The following PLCB4 variants were observed in gnomAD, a reference collection of about 807,000 sequenced individuals.
PLCB4 encodes 1-phosphatidylinositol 4,5-bisphosphate phosphodiesterase beta-4.
PLCB4 carries 77 observed loss-of-function variants against 178.8 expected under a neutral mutation model. That is an observed-to-expected ratio of 0.43 (90% CI 0.36 to 0.52). The LOEUF is 0.52. Among genes scored for constraint, PLCB4 ranks in the 20% least tolerant of loss-of-function variants. PLCB4 has a pLI of 0.00. For missense variants in PLCB4, 1,024 were observed against 1,453.4 expected, an observed-to-expected ratio of 0.70 and a Z score of 4.80; for synonymous variants, 496 against 490.8, an observed-to-expected ratio of 1.01 and a Z score of -0.14.
At position 9,259,978 on chromosome 20, in the gene PLCB4, A is replaced by G. The variant is rs552363144; in HGVS notation, c.-16+42526A>G. 3.3e-5 allele frequency among the ~76,000 whole-genome samples: 5 copies of G among 152,260 alleles called. No homozygotes were observed. The East Asian group carries it at 5.8e-4, about 18-fold the overall frequency. On this transcript the variant is annotated intron_variant, in intron 3 of 39. Coordinates refer to ENST00000378473, the MANE Select transcript of PLCB4 (RefSeq NM_001377142.1). ...TAAAATCACAAATGTGACTTACACT[A>G]TACTTTTACTGAGCAGTCCCTGATC...
At chr20:9,079,702 G>A (rs944531516) in intron 1 of PLCB4, among the ~76,000 whole-genome samples, 1 of 152,020 alleles carries the variant, frequency 6.6e-6, no homozygotes, top group African/African-American at 2.4e-5. Flanking sequence ...CTGGTTTTGT[G>A]GACAAAGAAA....
intron 9 of PLCB4, among the ~76,000 whole-genome samples, chr20:9,370,365 G>T (rs1417074916): frequency 6.6e-6 from 1 of 152,078 alleles, no homozygotes; most frequent in Non-Finnish European, 1.5e-5. Context: ...GGGGCTCAAG[G>T]GTGCTTAGCT....
intron 7 of PLCB4, among the ~76,000 whole-genome samples, chr20:9,350,122 T>C (rs182860359): frequency 2.2e-4 from 33 of 152,230 alleles, no homozygotes; most frequent in Non-Finnish European, 3.7e-4. Context: ...GAATGGCTTT[T>C]ACATTTTTGA....
At chr20:9,281,566 T>C (rs1318343083) in intron 3 of PLCB4, among the ~76,000 whole-genome samples, 1 of 152,012 alleles carries the variant, frequency 6.6e-6, no homozygotes, top group African/African-American at 2.4e-5. Context: ...AACACAATTC[T>C]ATGCTAAAAT....
At chr20:9,463,593 C>CAAAAA (rs145361980) in intron 35 of PLCB4, among the ~76,000 whole-genome samples, 111 of 49,658 alleles carry the variant, frequency 2.2e-3, no homozygotes, top group Middle Eastern at 0.023. Context: ...AAATGGAAAG[C>CAAAAA]AAAAAAAAAA....
chr20:9,282,038 A>G (rs1233345217), intron 3 of PLCB4, among the ~76,000 whole-genome samples: 1 of 152,030 alleles, frequency 6.6e-6, no homozygotes, highest in Non-Finnish European at 1.5e-5. Flanking sequence ...TATATCACAT[A>G]ATCTTTCCCT....
At chr20:9,227,806 G>A (rs1325255104) in intron 3 of PLCB4, among the ~76,000 whole-genome samples, 1 of 152,028 alleles carries the variant, frequency 6.6e-6, no homozygotes, top group African/African-American at 2.4e-5. Flanking sequence ...TACTTGGGGG[G>A]CTCCTCTTGA....
chr20:9,400,253 C>G (rs559573726), intron 19 of PLCB4, among the ~76,000 whole-genome samples: 1 of 152,168 alleles, frequency 6.6e-6, no homozygotes, highest in South Asian at 2.1e-4. Flanking sequence ...AACAGTCTAT[C>G]TAGAAATTCT....
intron 7 of PLCB4, among the ~76,000 whole-genome samples, chr20:9,358,973 T>C (rs190322141): frequency 1.3e-5 from 2 of 152,198 alleles, no homozygotes; most frequent in African/African-American, 4.8e-5. Context: ...CGTCATGAGA[T>C]TTGGGGTGAT....
intron 2 of PLCB4, among the ~76,000 whole-genome samples, chr20:9,188,065 C>T (rs2093352008): frequency 1.3e-5 from 2 of 152,148 alleles, no homozygotes; most frequent in South Asian, 4.1e-4. Flanking sequence ...CTGTTATGTG[C>T]CAGGTATATA....
intron 4 of PLCB4, among the ~76,000 whole-genome samples, chr20:9,333,925 A>G (rs1329592496): frequency 1.3e-5 from 2 of 152,164 alleles, no homozygotes; most frequent in East Asian, 3.9e-4. Context: ...GGGAGAGAAT[A>G]AAGAGTTCAG....
At chr20:9,401,943 G>A (rs901879283) in intron 20 of PLCB4, among the ~76,000 whole-genome samples, 1 of 152,074 alleles carries the variant, frequency 6.6e-6, no homozygotes, top group Non-Finnish European at 1.5e-5. Context: ...TGAACATCCC[G>A]AGTCTAGCCC....
intron 2 of PLCB4, among the ~76,000 whole-genome samples, chr20:9,124,527 G>T (rs975721576): frequency 1.3e-5 from 2 of 152,090 alleles, no homozygotes; most frequent in African/African-American, 4.8e-5. Context: ...TTTGTAAGAG[G>T]TAAATATCAC....
intron 2 of PLCB4, among the ~76,000 whole-genome samples, chr20:9,130,474 T>C (rs2092244881): frequency 6.6e-6 from 1 of 152,238 alleles, no homozygotes; most frequent in African/African-American, 2.4e-5. Context: ...AGCTGGTTTA[T>C]AGTAAATGAA....
intron 3 of PLCB4, among the ~76,000 whole-genome samples, chr20:9,265,436 C>G (rs946675337): frequency 6.6e-6 from 1 of 152,106 alleles, no homozygotes; most frequent in Non-Finnish European, 1.5e-5. Context: ...TGAGCCGAGA[C>G]TGTGACACTG....
At chr20:9,191,479 A>G (rs140931543) in intron 2 of PLCB4, among the ~76,000 whole-genome samples, 16 of 149,820 alleles carry the variant, frequency 1.1e-4, no homozygotes, top group African/African-American at 3.2e-4. Context: ...TGGACTTTGC[A>G]GCCTCCAGAA....
chr20:9,418,888 A>T (rs181278581), intron 25 of PLCB4, among the ~76,000 whole-genome samples: 74 of 152,166 alleles, frequency 4.9e-4, no homozygotes, highest in Non-Finnish European at 8.4e-4. Flanking sequence ...TATTTTTTTT[A>T]AAAAAGTTTA....
chr20:9,092,384 C>T (rs1387768544), intron 1 of PLCB4, among the ~76,000 whole-genome samples: 2 of 151,992 alleles, frequency 1.3e-5, no homozygotes, highest in Admixed American at 1.3e-4. Context: ...TTTTGATTCT[C>T]TCTGAAGCCT....
chr20:9,426,996 G>A (rs1163721364), intron 28 of PLCB4, among the ~76,000 whole-genome samples: 9 of 152,102 alleles, frequency 5.9e-5, no homozygotes, highest in East Asian at 2.0e-4. Context: ...AGGCCGAGGC[G>A]CGTGGATCAC....
Sources: allele counts gnomAD v4.1 joint callset (sites outside exome capture counted in the v4.1 genomes callset), GRCh38; gene constraint gnomAD v4.1.1; transcripts MANE v1.5; gene names NCBI Gene and HGNC (gene_info 2026-07-23, HGNC 2026-07-21).